Variants in AGBL4 observed in about 807,000 individuals in gnomAD.
AGBL4 encodes AGBL carboxypeptidase 4, also known as cytosolic carboxypeptidase 6.
In AGBL4, 58 loss-of-function variants were observed where a neutral mutation model predicts 66.4. The ratio of observed to expected loss-of-function variants is 0.87; its 90% confidence interval spans 0.71 to 1.09. The LOEUF is 1.09. Among genes scored for constraint, AGBL4 ranks in the 50% least tolerant of loss-of-function variants. The pLI is 0.00. For synonymous variants in AGBL4, 234 were observed against 222.9 expected (o/e 1.05, Z -0.44); for missense variants, 579 against 631.0 (o/e 0.92, Z 0.88).
chr1:49,259,914 T>A (rs1428181423), intron 3 of AGBL4, among the ~76,000 whole-genome samples: 137 of 131,326 alleles, frequency 1.0e-3, no homozygotes, highest in Middle Eastern at 4.1e-3. Flanking sequence ...GAAGTAAAGC[T>A]CTCCTCAGCA....
chr1:49,869,606 A>G (rs1204272098), intron 1 of AGBL4, among the ~76,000 whole-genome samples: 2 of 152,158 alleles, frequency 1.3e-5, no homozygotes, highest in Admixed American at 1.3e-4. Context: ...AGTTGAGTAC[A>G]GTGGTAGGGA....
At chr1:48,536,418 T>C (rs1643971486) in intron 12 of AGBL4, among the ~76,000 whole-genome samples, 1 of 152,150 alleles carries the variant, frequency 6.6e-6, no homozygotes, top group South Asian at 2.1e-4. Flanking sequence ...ACCCTAAAGG[T>C]AATGGGGAGC....
intron 6 of AGBL4, among the ~76,000 whole-genome samples, chr1:48,687,835 C>T (rs1185231178): frequency 2.0e-5 from 3 of 152,176 alleles, no homozygotes; most frequent in Admixed American, 6.5e-5. Context: ...CAGACCTATC[C>T]GCAGGTCTGG....
intron 3 of AGBL4, among the ~76,000 whole-genome samples, chr1:49,398,882 C>T (rs970125747): frequency 3.9e-5 from 6 of 152,102 alleles, no homozygotes; most frequent in African/African-American, 1.4e-4. Flanking sequence ...TTAAAATGTA[C>T]AGTTATATTA....
intron 1 of AGBL4, among the ~76,000 whole-genome samples, chr1:49,898,384 T>C (rs1199607029): frequency 6.6e-6 from 1 of 152,050 alleles, no homozygotes; most frequent in Non-Finnish European, 1.5e-5. Context: ...TCATTGATCA[T>C]CAGAGAAATG....
At chr1:49,800,432 G>T in intron 2 of AGBL4, among the ~76,000 whole-genome samples, 1 of 138,268 alleles carries the variant, frequency 7.2e-6, no homozygotes, top group Non-Finnish European at 1.6e-5. Flanking sequence ...AGTTACATAT[G>T]TATACATGTG....
intron 5 of AGBL4, among the ~76,000 whole-genome samples, chr1:48,929,995 T>C (rs565082156): frequency 1.3e-5 from 2 of 152,290 alleles, no homozygotes; most frequent in African/African-American, 4.8e-5. Context: ...CCTGCCAAAC[T>C]TAAATATATT....
intron 2 of AGBL4, among the ~76,000 whole-genome samples, chr1:49,753,522 TG>T (rs1260965683): frequency 5.9e-5 from 9 of 152,176 alleles, no homozygotes; most frequent in African/African-American, 1.7e-4. Flanking sequence ...ATTTCAACCT[TG>T]GTGGATCTGA....
chr1:49,352,043 G>T (rs1643920080), intron 3 of AGBL4, among the ~76,000 whole-genome samples: 2 of 152,086 alleles, frequency 1.3e-5, no homozygotes, highest in Non-Finnish European at 2.9e-5. Flanking sequence ...CTTGCTGCCT[G>T]CATACCTCTG....
chr1:49,017,632 A>G (rs1662917185), intron 5 of AGBL4, among the ~76,000 whole-genome samples: 1 of 152,114 alleles, frequency 6.6e-6, no homozygotes, highest in South Asian at 2.1e-4. Flanking sequence ...TTCCCACCTT[A>G]CAACTAAACT....
chr1:49,014,023 A>G (rs1662641016), intron 5 of AGBL4, among the ~76,000 whole-genome samples: 1 of 152,224 alleles, frequency 6.6e-6, no homozygotes, highest in Admixed American at 6.5e-5. Flanking sequence ...TTCTAACACA[A>G]TATTAGGAAT....
At chr1:49,548,758 C>T (rs1054383384) in intron 3 of AGBL4, among the ~76,000 whole-genome samples, 1 of 151,986 alleles carries the variant, frequency 6.6e-6, no homozygotes, top group Non-Finnish European at 1.5e-5. Context: ...AAGTCCTTTC[C>T]TGGTTTTGGT....
chr1:49,207,068 A>G (rs1389475208), intron 4 of AGBL4, among the ~76,000 whole-genome samples: 2 of 152,106 alleles, frequency 1.3e-5, no homozygotes, highest in Non-Finnish European at 2.9e-5. Flanking sequence ...TTCTAGCATA[A>G]TTTCTGCAGG....
intron 3 of AGBL4, among the ~76,000 whole-genome samples, chr1:49,615,510 T>A (rs567817084): frequency 1.3e-5 from 2 of 152,096 alleles, no homozygotes; most frequent in African/African-American, 2.4e-5. Flanking sequence ...TATGAAGAGA[T>A]GAGACAGCTG....
At chr1:50,017,774 T>G (rs1662102895) in intron 1 of AGBL4, among the ~76,000 whole-genome samples, 1 of 152,116 alleles carries the variant, frequency 6.6e-6, no homozygotes, top group Non-Finnish European at 1.5e-5. Context: ...AAAAACCACC[T>G]GTTGGATACT....
chr1:48,930,171 T>C (rs1274278023), intron 5 of AGBL4, among the ~76,000 whole-genome samples: 1 of 152,118 alleles, frequency 6.6e-6, no homozygotes, highest in African/African-American at 2.4e-5. Context: ...AAAGGAGCTT[T>C]GTAAACTTGA....
intron 4 of AGBL4, among the ~76,000 whole-genome samples, chr1:49,089,966 T>A (rs1644974124): frequency 6.6e-6 from 1 of 152,008 alleles, no homozygotes; most frequent in Admixed American, 6.6e-5. Context: ...TTAATATGAT[T>A]CACCATGTGA....
chr1:49,116,954 C>A (rs908346851), intron 4 of AGBL4, among the ~76,000 whole-genome samples: 2 of 152,112 alleles, frequency 1.3e-5, no homozygotes, highest in Admixed American at 6.5e-5. Flanking sequence ...TTTTCATTTG[C>A]ATTTCTCTGA....
chr1:49,913,607 C>T (rs755846448), intron 1 of AGBL4, among the ~76,000 whole-genome samples: 6 of 152,196 alleles, frequency 3.9e-5, no homozygotes, highest in Non-Finnish European at 7.3e-5. Context: ...GAGGATGGCC[C>T]CATACCATGG....
Sources: gnomAD v4.1 joint callset for allele counts (sites outside exome capture counted in the v4.1 genomes callset) on GRCh38, gnomAD v4.1.1 for gene constraint, MANE v1.5 for transcripts, NCBI Gene and HGNC (gene_info 2026-07-23, HGNC 2026-07-21) for gene names.